The following ELMO1 variants were observed in gnomAD, a reference collection of about 807,000 sequenced individuals.
ELMO1 encodes the protein engulfment and cell motility 1, also known as engulfment and cell motility protein 1.
Under a neutral mutation model 98.9 loss-of-function variants are expected in ELMO1, and 26 were observed. The observed-to-expected ratio is 0.26, with a 90% CI of 0.19 to 0.36. ELMO1 has a LOEUF of 0.36. Ranked by LOEUF, ELMO1 falls within the 10% of genes least tolerant of loss-of-function variation. The pLI, the probability that ELMO1 is intolerant of heterozygous loss-of-function variation, is 1.00. For missense variants in ELMO1, 627 were observed against 935.2 expected, an observed-to-expected ratio of 0.67 and a Z score of 4.30; for synonymous variants, 346 against 346.0, an observed-to-expected ratio of 1.00 and a Z score of 0.00.
intron 11 of ELMO1, among the ~76,000 whole-genome samples, chr7:37,216,392 G>A (rs555995812): frequency 2.6e-5 from 4 of 152,024 alleles, no homozygotes; most frequent in Admixed American, 6.5e-5. Flanking sequence ...CTTCCGGCCA[G>A]AATGCGTTCC....
At chr7:37,406,292 A>G (rs1468248372) in intron 1 of ELMO1, among the ~76,000 whole-genome samples, 1 of 149,716 alleles carries the variant, frequency 6.7e-6, no homozygotes. Context: ...CTCTTTGTAT[A>G]TATTCCACCC....
intron 13 of ELMO1, among the ~76,000 whole-genome samples, chr7:37,170,141 G>A (rs992174648): frequency 1.3e-5 from 2 of 152,162 alleles, no homozygotes; most frequent in African/African-American, 4.8e-5. Flanking sequence ...CTGACCTCAG[G>A]TGATCCACTC....
intron 13 of ELMO1, among the ~76,000 whole-genome samples, chr7:37,163,465 G>A (rs537836387): frequency 2.0e-5 from 3 of 152,058 alleles, no homozygotes; most frequent in Non-Finnish European, 2.9e-5. Flanking sequence ...CTAGCATTAG[G>A]TATATCTCCC....
intron 1 of ELMO1, among the ~76,000 whole-genome samples, chr7:37,389,010 G>T (rs942402194): frequency 4.6e-5 from 7 of 152,192 alleles, no homozygotes; most frequent in African/African-American, 1.7e-4. Context: ...CTGAACATGG[G>T]AACCATGGGC....
At chr7:37,154,077 G>T (rs895729573) in intron 13 of ELMO1, among the ~76,000 whole-genome samples, 3 of 152,204 alleles carry the variant, frequency 2.0e-5, no homozygotes, top group African/African-American at 7.2e-5. Context: ...GGGCCTGTCT[G>T]TTAGAAGGAA....
chr7:37,084,285 T>C (rs2129239363), intron 15 of ELMO1, among the ~76,000 whole-genome samples: 1 of 152,252 alleles, frequency 6.6e-6, no homozygotes, highest in East Asian at 1.9e-4. Context: ...AATGCAAAGT[T>C]TATTAAAAAT....
chr7:37,125,576 A>C (rs1482579067), intron 14 of ELMO1, among the ~76,000 whole-genome samples: 1 of 152,232 alleles, frequency 6.6e-6, no homozygotes, highest in African/African-American at 2.4e-5. Context: ...GCAAAGCAAA[A>C]GCACAAAGAG....
At chr7:37,395,329 T>C (rs1242982931) in intron 1 of ELMO1, among the ~76,000 whole-genome samples, 1 of 131,812 alleles carries the variant, frequency 7.6e-6, no homozygotes, top group African/African-American at 2.9e-5. Flanking sequence ...AACACACCAT[T>C]GCACTACAGC....
intron 1 of ELMO1, among the ~76,000 whole-genome samples, chr7:37,364,706 GA>G (rs1175072829): frequency 1.9e-4 from 29 of 152,044 alleles, no homozygotes. Flanking sequence ...CTTGAGGAAG[GA>G]GAGCAAACTC....
intron 16 of ELMO1, among the ~76,000 whole-genome samples, chr7:36,932,393 T>C (rs923139654): frequency 4.6e-5 from 7 of 152,198 alleles, no homozygotes; most frequent in African/African-American, 1.7e-4. Flanking sequence ...AAAAAGTGTG[T>C]TAGATTTAGG....
chr7:37,403,241 G>A (rs1803607419), intron 1 of ELMO1, among the ~76,000 whole-genome samples: 1 of 152,152 alleles, frequency 6.6e-6, no homozygotes, highest in Admixed American at 6.5e-5. Context: ...TCTAGAAAAG[G>A]CAAAACTATA....
intron 1 of ELMO1, among the ~76,000 whole-genome samples, chr7:37,446,071 G>A (rs1805600095): frequency 6.6e-6 from 1 of 152,196 alleles, no homozygotes; most frequent in Non-Finnish European, 1.5e-5. Context: ...CCTGGCATGG[G>A]GGAAAGGACA....
intron 2 of ELMO1, among the ~76,000 whole-genome samples, chr7:37,318,221 A>G (rs1268488556): frequency 6.6e-6 from 1 of 152,252 alleles, no homozygotes; most frequent in Non-Finnish European, 1.5e-5. Flanking sequence ...AAGGAACTTC[A>G]GAAACAAAAC....
intron 13 of ELMO1, among the ~76,000 whole-genome samples, chr7:37,198,058 A>G (rs902635526): frequency 2.6e-5 from 4 of 152,244 alleles, no homozygotes; most frequent in Non-Finnish European, 4.4e-5. Flanking sequence ...AAGAGCAGGC[A>G]GCATAAGGAC....
chr7:37,086,784 TGCCA>T (rs1366021058), intron 15 of ELMO1, among the ~76,000 whole-genome samples: 2 of 151,054 alleles, frequency 1.3e-5, no homozygotes, highest in Non-Finnish European at 3.0e-5. Context: ...TGAACTTTCT[TGCCA>T]AAAAAAAATA....
At chr7:37,124,125 G>A (rs1483030029) in intron 14 of ELMO1, among the ~76,000 whole-genome samples, 2 of 152,082 alleles carry the variant, frequency 1.3e-5, no homozygotes, top group Non-Finnish European at 2.9e-5. Context: ...GGTATTGATG[G>A]GACGTATCTT....
At position 37,437,967 on chromosome 7, in the gene ELMO1, G is replaced by A. The variant is rs1391297269; in HGVS notation, c.-74+10708C>T. Among the ~76,000 whole-genome samples, 57 of 8,100 alleles carry A rather than the reference G, an allele frequency of 7.0e-3. 16 individuals are homozygous for A. The highest frequency in any genetic ancestry group is 0.022 in the African/African-American group (51 of 2,354). The allele number at this position is 8,100 out of a possible 152,430, so 5.3% of individuals were successfully genotyped here. On this transcript the variant is annotated intron_variant, in intron 1 of 21. Transcript: ENST00000310758. ...CGCAGTCCGGCCTGGGCGACAGAGC[G>A]AGACTCCGTCTCAAAAAAAAAAAAA...
intron 15 of ELMO1, among the ~76,000 whole-genome samples, chr7:37,064,528 T>A (rs1796847423): frequency 6.6e-6 from 1 of 152,176 alleles, no homozygotes; most frequent in Non-Finnish European, 1.5e-5. Flanking sequence ...ACAAGGACAC[T>A]ACCTGCCTCA....
At position 37,033,449 on chromosome 7, in the gene ELMO1, C is replaced by T. The variant is rs117515647; in HGVS notation, c.1301-20014G>A. Reference sequence around the variant, plus strand: ...AAGCTTTATTATCATAAATGTTGAGCGAAAATGAAGCAAAACCAATGTCTA... The same window carrying T: ...AAGCTTTATTATCATAAATGTTGAGTGAAAATGAAGCAAAACCAATGTCTA... On this transcript the variant is annotated intron_variant, in intron 15 of 21. Coordinates refer to ENST00000310758, the MANE Select transcript of ELMO1 (RefSeq NM_014800.11). 195 of 451,944 alleles carry T rather than the reference C, an allele frequency of 4.3e-4. 1 individual carries two copies. Among genetic ancestry groups the T allele is most frequent in the Non-Finnish European group, 6.9e-4 (156 of 225,384 alleles). 28.0% of individuals were successfully genotyped at this position (451,944 alleles called of 1,614,324 possible). A position where few individuals can be genotyped will look rare whatever the true frequency, so the allele number is the denominator to read the frequency against.
Sources: allele counts gnomAD v4.1 joint callset (sites outside exome capture counted in the v4.1 genomes callset), GRCh38; gene constraint gnomAD v4.1.1; transcripts MANE v1.5; gene names NCBI Gene and HGNC (gene_info 2026-07-23, HGNC 2026-07-21).